TRIO: variants seen among roughly 807,000 people sequenced by gnomAD.
The protein encoded by TRIO is triple functional domain protein.
Under a neutral mutation model 351.9 loss-of-function variants are expected in TRIO, and 58 were observed. The ratio of observed to expected loss-of-function variants is 0.16; its 90% confidence interval spans 0.13 to 0.21. The LOEUF is 0.21. Ranked by LOEUF, TRIO falls within the 10% of genes least tolerant of loss-of-function variation. The pLI is 1.00. For missense variants in TRIO, 3,201 were observed against 4,027.8 expected (o/e 0.79, Z 5.56); for synonymous variants, 1,758 against 1,595.7 (o/e 1.10, Z -2.42).
chr5:14,339,732 T>A (rs1741766220), intron 11 of TRIO, among the ~76,000 whole-genome samples: 1 of 152,166 alleles, frequency 6.6e-6, no homozygotes. Context: ...TTCAGTAGAT[T>A]TGTCTTTCCC....
chr5:14,257,725 T>A (rs1795106047), intron 1 of TRIO, among the ~76,000 whole-genome samples: 1 of 152,232 alleles, frequency 6.6e-6, no homozygotes, highest in South Asian at 2.1e-4. Context: ...TGTGGATTTT[T>A]AAAAATATGT....
intron 34 of TRIO, among the ~76,000 whole-genome samples, chr5:14,439,997 A>G (rs1751895882): frequency 6.6e-6 from 1 of 152,154 alleles, no homozygotes; most frequent in Non-Finnish European, 1.5e-5. Context: ...TTAAAATTTT[A>G]TTATGCAACA....
chr5:14,216,528 T>C lies in TRIO; in HGVS notation c.158-54297T>C, dbSNP rs182598511. Among the ~76,000 whole-genome samples, 563 of 152,314 alleles carry C rather than the reference T, an allele frequency of 3.7e-3. 3 individuals are homozygous for C. The highest frequency in any genetic ancestry group is 0.013 in the African/African-American group (541 of 41,580). On this transcript the variant is annotated intron_variant, in intron 1 of 56. Transcript: ENST00000344204. ...CCAAAAGAGCTGAATGGTCATTGAG[T>C]TGATTGTGTCTTAGAAATAACTTGT... is the stretch of plus-strand genomic sequence containing the variant.
chr5:14,195,352 C>T (rs1790709571), intron 1 of TRIO, among the ~76,000 whole-genome samples: 1 of 152,160 alleles, frequency 6.6e-6, no homozygotes, highest in South Asian at 2.1e-4. Context: ...GGTGGGAATA[C>T]TACTGAAGGG....
At chr5:14,167,046 G>T (rs1788810340) in intron 1 of TRIO, among the ~76,000 whole-genome samples, 1 of 151,708 alleles carries the variant, frequency 6.6e-6, no homozygotes, top group African/African-American at 2.4e-5. Context: ...GATTGACCAG[G>T]CTCCCCGTGG....
intron 1 of TRIO, among the ~76,000 whole-genome samples, chr5:14,217,957 G>A (rs533752007): frequency 4.6e-5 from 7 of 152,286 alleles, no homozygotes; most frequent in African/African-American, 1.7e-4. Flanking sequence ...TTGAAATCAA[G>A]CATTTAAAAA....
At chr5:14,487,032 A>G (rs1470909769) in intron 47 of TRIO, among the ~76,000 whole-genome samples, 1 of 152,126 alleles carries the variant, frequency 6.6e-6, no homozygotes, top group African/African-American at 2.4e-5. Context: ...AGGGGCCTCT[A>G]GTAGCTCCTT....
chr5:14,363,218 T>C (rs1196609675), intron 13 of TRIO, among the ~76,000 whole-genome samples: 1 of 152,216 alleles, frequency 6.6e-6, no homozygotes, highest in East Asian at 1.9e-4. Context: ...CAAGCTGTTC[T>C]TGAACTCCTG....
At chr5:14,284,390 T>G (rs1736267825) in intron 3 of TRIO, among the ~76,000 whole-genome samples, 1 of 152,202 alleles carries the variant, frequency 6.6e-6, no homozygotes, top group Non-Finnish European at 1.5e-5. Flanking sequence ...TACAAGTCAC[T>G]GCTGTCTTAA....
At chr5:14,361,874 T>G (rs925031739) in intron 13 of TRIO, among the ~76,000 whole-genome samples, 10 of 152,326 alleles carry the variant, frequency 6.6e-5, no homozygotes, top group Admixed American at 4.6e-4. Flanking sequence ...TCCTAGCACT[T>G]TGGGAGGCCA....
At position 14,387,746 on chromosome 5, in the gene TRIO, G is replaced by C; in HGVS notation, c.3780G>C (p.Gln1260His). The change falls in exon 23 of 57, where the codon CAG (glutamine) becomes CAC (histidine). Residue 1260 changes from glutamine (Q) to histidine (H), a missense_variant. By Grantham distance (24) the Gln-to-His change is conservative. Transcript: ENST00000344204. ...TTATTCCACAGAGTAAAAGTCTCCA[G>C]CTAGATATCATTCCAGCCAGTATCC... Reference protein sequence around the residue: ...SDSNKSSKSLQLDIIPASIPG... With the variant: ...SDSNKSSKSLHLDIIPASIPG... 6.8e-6 allele frequency: 11 copies of C among 1,614,204 alleles called. No homozygotes were observed. The highest frequency in any genetic ancestry group is 1.3e-5 in the African/African-American group (1 of 75,046).
chr5:14,202,513 T>G (rs1791200295), intron 1 of TRIO, among the ~76,000 whole-genome samples: 1 of 151,674 alleles, frequency 6.6e-6, no homozygotes, highest in Admixed American at 6.6e-5. Context: ...TGATATGCTT[T>G]GACTGTGTCC....
intron 8 of TRIO, among the ~76,000 whole-genome samples, chr5:14,309,756 C>T (rs542185133): frequency 4.6e-5 from 7 of 152,260 alleles, no homozygotes; most frequent in East Asian, 3.9e-4. Flanking sequence ...AACTGGATGC[C>T]GGGTCATGTG....
intron 8 of TRIO, 113 bp downstream of exon 8, chr5:14,304,705 G>A (rs1304938940): frequency 4.1e-6 from 5 of 1,214,758 alleles, no homozygotes; most frequent in East Asian, 4.8e-5. Flanking sequence ...TATAGATTTC[G>A]AGTTAGACTG....
At chr5:14,415,784 G>A (rs1277498592) in intron 33 of TRIO, among the ~76,000 whole-genome samples, 5 of 152,304 alleles carry the variant, frequency 3.3e-5, no homozygotes, top group Admixed American at 1.3e-4. Flanking sequence ...GGACTTGGGT[G>A]TAGTCTTTGG....
chr5:14,402,150 G>A (rs1375948229), intron 31 of TRIO, among the ~76,000 whole-genome samples: 1 of 152,174 alleles, frequency 6.6e-6, no homozygotes, highest in African/African-American at 2.4e-5. Context: ...TTAAATAACT[G>A]TATTTTCTTC....
chr5:14,225,155 G>T (rs1792912088), intron 1 of TRIO, among the ~76,000 whole-genome samples: 1 of 152,126 alleles, frequency 6.6e-6, no homozygotes, highest in Non-Finnish European at 1.5e-5. Flanking sequence ...AGAGTTATTG[G>T]CTGTAACACG....
At chr5:14,295,941 G>C (rs1472295952) in intron 6 of TRIO, among the ~76,000 whole-genome samples, 1 of 152,220 alleles carries the variant, frequency 6.6e-6, no homozygotes, top group Admixed American at 6.5e-5. Context: ...ACTCCACCAA[G>C]TTCTGGTTTG....
chr5:14,263,541 A>G lies in TRIO; in HGVS notation c.158-7284A>G, dbSNP rs567132322. On this transcript the variant is annotated intron_variant, in intron 1 of 56. Coordinates refer to ENST00000344204, the MANE Select transcript of TRIO (RefSeq NM_007118.4). Reference sequence around the variant, plus strand: ...TAAAATTCGTGAGCAGATTGATACAATGATTGAATAGGGTTTCTTTTAGCA... The same window carrying G: ...TAAAATTCGTGAGCAGATTGATACAGTGATTGAATAGGGTTTCTTTTAGCA... 3.2e-4 allele frequency among the ~76,000 whole-genome samples: 49 copies of G among 152,344 alleles called. No homozygotes were observed. In the South Asian group the frequency reaches 8.7e-3, roughly 27 times the overall value.
Sources: gnomAD v4.1 joint callset for allele counts (sites outside exome capture counted in the v4.1 genomes callset) on GRCh38, gnomAD v4.1.1 for gene constraint, MANE v1.5 for transcripts, NCBI Gene and HGNC (gene_info 2026-07-23, HGNC 2026-07-21) for gene names.